Variants in LIN28A observed in about 807,000 individuals in gnomAD.
LIN28A encodes the protein protein lin-28 homolog A.
In LIN28A, 11 loss-of-function variants were observed where a neutral mutation model predicts 21.1. The ratio of observed to expected loss-of-function variants is 0.52; its 90% CI spans 0.33 to 0.86. The LOEUF is 0.86. LIN28A is among the 40% of genes least tolerant of loss of function. The probability of loss-of-function intolerance (pLI) is 0.03; values close to 1 mark genes in which losing one functional copy is unlikely to be tolerated. For synonymous variants in LIN28A, 111 were observed against 108.7 expected, an observed-to-expected ratio of 1.02 and a Z score of -0.13; for missense variants, 219 against 279.8, an observed-to-expected ratio of 0.78 and a Z score of 1.55.
At chr1:26,421,989 C>T (rs1453198040) in intron 2 of LIN28A, among the ~76,000 whole-genome samples, 2 of 149,300 alleles carry the variant, frequency 1.3e-5, no homozygotes, top group African/African-American at 5.0e-5. Flanking sequence ...GTGCGTATTT[C>T]CCAAGAATGG....
rs562873923 is a variant in LIN28A at position 26,417,111 on chromosome 1, G to C, written c.228+5529G>C. Reference sequence around the variant, plus strand: ...AGGAGCTGTGGAGATAAATCTACCCGAACACTTGAGTTCACAGCTCAGACC... The same window carrying C: ...AGGAGCTGTGGAGATAAATCTACCCCAACACTTGAGTTCACAGCTCAGACC... On this transcript the variant is annotated intron_variant, in intron 2 of 3. Coordinates refer to ENST00000326279, the MANE Select transcript of LIN28A (RefSeq NM_024674.6). Among the ~76,000 whole-genome samples the C allele has an allele frequency of 2.4e-4, 36 of 152,284 alleles. 1 individual carries two copies. The South Asian group carries it at 7.3e-3, about 31-fold the overall frequency.
chr1:26,426,461 C>T lies in LIN28A; in HGVS notation c.*3C>T. On this transcript the variant is annotated 3_prime_UTR_variant, in exon 4 of 4. Transcript: ENST00000326279. ...TGCTCCCGGAGGCACAGAATTGAGCCACAATGGGTGGGGGCTATTCTTTTG... is the reference window on the plus strand; with the variant it reads ...TGCTCCCGGAGGCACAGAATTGAGCTACAATGGGTGGGGGCTATTCTTTTG... The T allele has an allele frequency of 1.2e-6, 2 of 1,610,766 alleles. No homozygotes were observed. Among genetic ancestry groups the T allele is most frequent in the Non-Finnish European group, 1.7e-6 (2 of 1,176,954 alleles).
chr1:26,411,040 C>A lies in LIN28A; in HGVS notation c.31+118C>A. On this transcript the variant is annotated intron_variant, in intron 1 of 3. Transcript: ENST00000326279. The surrounding 1 kb of genome is among the most constrained non-coding windows in gnomAD (Gnocchi z 5.4). ...CCAAAGGACCCCAAGACGGTGCGGCCTTCTGCTTCATAGGGCCGTCTCTGG... is the reference window on the plus strand; with the variant it reads ...CCAAAGGACCCCAAGACGGTGCGGCATTCTGCTTCATAGGGCCGTCTCTGG... 1 of 1,331,554 alleles carries A rather than the reference C, an allele frequency of 7.5e-7. No homozygotes were observed. The highest frequency in any genetic ancestry group is 1.0e-6 in the Non-Finnish European group (1 of 982,486). 82.5% of individuals were successfully genotyped at this position (1,331,554 alleles called of 1,614,324 possible).
chr1:26,413,989 G>A (rs375349166), intron 2 of LIN28A, among the ~76,000 whole-genome samples: 5 of 151,732 alleles, frequency 3.3e-5, no homozygotes, highest in African/African-American at 9.7e-5. Flanking sequence ...CACCACGCTC[G>A]GCTAATTTTT....
At position 26,425,676 on chromosome 1, in the gene LIN28A, T is replaced by A. The variant is rs140900804; in HGVS notation, c.413+189T>A. Among the ~76,000 whole-genome samples the A allele has an allele frequency of 4.6e-3, 693 of 152,304 alleles. 4 individuals carry two copies. The highest frequency in any genetic ancestry group is 0.037 in the Middle Eastern group (11 of 294). ...GAGGAGGCCACTGGGGGTGACTTAG[T>A]GCTACTTGGGACAAGTAAGTTTGCT... On this transcript the variant is annotated intron_variant, in intron 3 of 3. Coordinates refer to ENST00000326279, the MANE Select transcript of LIN28A (RefSeq NM_024674.6).
At chr1:26,425,740 A>ATAC (rs2075054968) in intron 3 of LIN28A, among the ~76,000 whole-genome samples, 1 of 152,184 alleles carries the variant, frequency 6.6e-6, no homozygotes, top group African/African-American at 2.4e-5. Flanking sequence ...TGAGGCAGTG[A>ATAC]TACTAACATC....
chr1:26,420,226 A>G (rs939638489), intron 2 of LIN28A, among the ~76,000 whole-genome samples: 4 of 151,978 alleles, frequency 2.6e-5, no homozygotes, highest in African/African-American at 4.8e-5. Context: ...CAGTCACCCA[A>G]ATTGCTGGGA....
intron 2 of LIN28A, among the ~76,000 whole-genome samples, chr1:26,414,793 A>G (rs1284694017): frequency 1.3e-5 from 2 of 152,196 alleles, no homozygotes; most frequent in East Asian, 1.9e-4. Flanking sequence ...ACCCACTAGA[A>G]GCCAGTTGCA....
rs2075064262 is a variant in LIN28A at position 26,427,107 on chromosome 1, C to T, written c.*649C>T. The T allele has an allele frequency of 1.3e-5, 2 of 153,204 alleles. No individual in the cohort carries two copies. The highest frequency in any genetic ancestry group is 6.5e-5 in the Admixed American group (1 of 15,334). The allele number at this position is 153,204 out of a possible 1,614,324, so 9.5% of individuals were successfully genotyped here. On this transcript the variant is annotated 3_prime_UTR_variant, in exon 4 of 4. Coordinates refer to ENST00000326279, the MANE Select transcript of LIN28A (RefSeq NM_024674.6). ...TACTGCACCTTGGGTCCCACTTTCT[C>T]CAGGATGCCAACTGCACTAGCTGTG...
intron 2 of LIN28A, among the ~76,000 whole-genome samples, chr1:26,417,859 C>T (rs181305409): frequency 4.1e-4 from 63 of 152,282 alleles, no homozygotes; most frequent in South Asian, 1.0e-3. Flanking sequence ...CAGAATCTTC[C>T]GGCTGGAATG....
At chr1:26,415,505 G>A (rs2074987904) in intron 2 of LIN28A, among the ~76,000 whole-genome samples, 1 of 152,128 alleles carries the variant, frequency 6.6e-6, no homozygotes, top group Admixed American at 6.5e-5. Flanking sequence ...TTAGCTGCCT[G>A]GTTAATTTTC....
intron 3 of LIN28A, among the ~76,000 whole-genome samples, chr1:26,425,870 T>C (rs1487697222): frequency 6.6e-6 from 1 of 152,254 alleles, no homozygotes; most frequent in African/African-American, 2.4e-5. Context: ...TTAATCTTGC[T>C]TGGGCTTAAA....
At chr1:26,415,442 A>G (rs1489205946) in intron 2 of LIN28A, among the ~76,000 whole-genome samples, 1 of 152,180 alleles carries the variant, frequency 6.6e-6, no homozygotes, top group Non-Finnish European at 1.5e-5. Context: ...TTATTGAGGT[A>G]CTGGTCTTAT....
chr1:26,418,240 T>C (rs553748918), intron 2 of LIN28A, among the ~76,000 whole-genome samples: 2 of 151,740 alleles, frequency 1.3e-5, no homozygotes, highest in Non-Finnish European at 2.9e-5. Flanking sequence ...TTCCCTGTTA[T>C]CAAAAAAAGA....
chr1:26,414,700 A>T (rs1258317634), intron 2 of LIN28A, among the ~76,000 whole-genome samples: 2 of 152,216 alleles, frequency 1.3e-5, no homozygotes, highest in East Asian at 3.8e-4. Flanking sequence ...CTTCAGCACT[A>T]TTGACATGTT....
At chr1:26,426,150 C>T (rs1203507036) in intron 3 of LIN28A, 92 bp from the exon 4 acceptor site, 2 of 1,018,040 alleles carry the variant, frequency 2.0e-6, no homozygotes, top group Non-Finnish European at 1.5e-6. Flanking sequence ...AAGTGACAAA[C>T]CTGTACCAGA....
Position 26,411,553 on chromosome 1 carries a change from GA to G in LIN28A, c.200del (p.Asp67AlafsTer21). 1.2e-6 allele frequency: 2 copies of G among 1,613,854 alleles called. No homozygotes were observed. The highest frequency in any genetic ancestry group is 1.7e-6 in the Non-Finnish European group (2 of 1,179,922). ...SMTARAGVALDPPVDVFVHQS... is the reference protein window; with the variant it reads ...SMTARAGVALXPPVDVFVHQS... ...GACCGCCCGCGCCGGGGTCGCGCTC[GA>G]CCCCCCAGTGGATGTCTTTGTGCAC... is the stretch of plus-strand genomic sequence containing the variant. On this transcript the variant is annotated frameshift_variant, in exon 2 of 4. Transcript: ENST00000326279. LOFTEE classifies it high-confidence loss of function. The surrounding 1 kb of genome is among the most constrained non-coding windows in gnomAD (Gnocchi z 5.4).
Position 26,427,897 on chromosome 1 carries a change from A to T in LIN28A, c.*1439A>T, listed in dbSNP as rs1402754942. The T allele has an allele frequency of 6.6e-6, 1 of 152,632 alleles. No individual in the cohort carries two copies. Among genetic ancestry groups the T allele is most frequent in the Non-Finnish European group, 1.5e-5 (1 of 68,048 alleles). 9.5% of individuals were successfully genotyped at this position (152,632 alleles called of 1,614,324 possible). On this transcript the variant is annotated 3_prime_UTR_variant, in exon 4 of 4. Transcript: ENST00000326279. ...TGCTACAGTAGTGATTAATAGTGTC[A>T]TGGTAGCTAAAGGAGAAAAAGGGGG...
rs1333584755 is a variant in LIN28A at position 26,429,126 on chromosome 1, AC to A, written c.*2669del. On this transcript the variant is annotated 3_prime_UTR_variant, in exon 4 of 4. Coordinates refer to ENST00000326279, the MANE Select transcript of LIN28A (RefSeq NM_024674.6). ...GGTTGCAGTGAGCTGAGATCGCACC[AC>A]TGCACTCCAGCCTGGTTACAGAGCA... 2 of 161,010 alleles carry A rather than the reference AC, an allele frequency of 1.2e-5. No individual in the cohort carries two copies. The highest frequency in any genetic ancestry group is 4.8e-5 in the African/African-American group (2 of 41,590). The allele number at this position is 161,010 out of a possible 1,614,324, so 10.0% of individuals were successfully genotyped here. A position where few individuals can be genotyped will look rare whatever the true frequency, so the allele number is the denominator to read the frequency against.
Sources: gnomAD v4.1 joint callset for allele counts (sites outside exome capture counted in the v4.1 genomes callset) on GRCh38, gnomAD v4.1.1 for gene constraint, Gnocchi (gnomAD v3.1) non-coding constraint, MANE v1.5 for transcripts, NCBI Gene and HGNC (gene_info 2026-07-23, HGNC 2026-07-21) for gene names.